The following FBN2 variants were observed in gnomAD, a reference collection of about 807,000 sequenced individuals.
FBN2 encodes the protein fibrillin-2.
Under a neutral mutation model 355.6 loss-of-function variants are expected in FBN2, and 105 were observed. That is an observed-to-expected ratio of 0.30 (90% confidence interval 0.25 to 0.35). The LOEUF is 0.35. Ranked by LOEUF, FBN2 falls within the 10% of genes least tolerant of loss-of-function variation. The pLI, the probability that FBN2 is intolerant of heterozygous loss-of-function variation, is 1.00. For missense variants in FBN2, 3,280 were observed against 3,758.7 expected (o/e 0.87, Z 3.33); for synonymous variants, 1,350 against 1,301.2 (o/e 1.04, Z -0.81).
rs1388206937 is a variant in FBN2 at position 128,519,375 on chromosome 5, AC to A, written c.533-8del. 1 of 1,611,850 alleles carries A rather than the reference AC, an allele frequency of 6.2e-7. No individual in the cohort carries two copies. The highest frequency in any genetic ancestry group is 8.5e-7 in the Non-Finnish European group (1 of 1,178,218). Reference sequence around the variant, plus strand: ...CATCCATTTTCACAGACAGCTGCATACAAAAATAGCAAGAAGCTCATTATAT... The same window carrying A: ...CATCCATTTTCACAGACAGCTGCATAAAAAATAGCAAGAAGCTCATTATAT... On this transcript the variant is annotated splice_region_variant and splice_polypyrimidine_tract_variant and intron_variant, in intron 4 of 64. Transcript: ENST00000262464.
At chr5:128,309,196 T>C (rs773130092) in intron 41 of FBN2, 51 bp downstream of exon 41, 19 of 1,589,030 alleles carry the variant, frequency 1.2e-5, no homozygotes, top group Non-Finnish European at 1.5e-5. Context: ...GTTAGATATA[T>C]GCGTGTATCA....
In FBN2 at chr5:128,465,817, C is replaced by T. The variant is rs1368603753; in HGVS notation, c.629-896G>A. Among the ~76,000 whole-genome samples, 2 of 152,206 alleles carry T rather than the reference C, an allele frequency of 1.3e-5. 1 individual carries two copies. Among genetic ancestry groups the T allele is most frequent in the Non-Finnish European group, 2.9e-5 (2 of 68,044 alleles). ...AAGTACAGTCCATTTAGATCCCCGC[C>T]TCTCAAGGTTTCTATGGACCAGCAG... On this transcript the variant is annotated intron_variant, in intron 5 of 64. Coordinates refer to ENST00000262464, the MANE Select transcript of FBN2 (RefSeq NM_001999.4).
rs1402545685 is a variant in FBN2, at chr5:128,310,009, T to A, written c.5174A>T (p.Gln1725Leu). The change falls in exon 40 of 65, where the codon CAG (glutamine) becomes CTG (leucine). Residue 1725 changes from glutamine (Q) to leucine (L), a missense_variant. Gln to Leu is a moderately radical substitution (Grantham distance 113, BLOSUM62 -2). This residue lies in a region of FBN2 where 2,284 missense variants were observed against 2,749.5 expected (regional missense o/e 0.83). Coordinates refer to ENST00000262464, the MANE Select transcript of FBN2 (RefSeq NM_001999.4). ...CATGCAGTTGTGGCCTCCATTGACCTGCATGTACTCAGGTGGGCAAATGCA... is the reference window on the plus strand; with the variant it reads ...CATGCAGTTGTGGCCTCCATTGACCAGCATGTACTCAGGTGGGCAAATGCA... ...YTCICPPEYM[Q>L]VNGGHNCMDM... The A allele has an allele frequency of 9.9e-6, 16 of 1,613,962 alleles. No individual in the cohort carries two copies. Among genetic ancestry groups the A allele is most frequent in the Non-Finnish European group, 1.3e-5 (15 of 1,179,882 alleles).
intron 8 of FBN2, among the ~76,000 whole-genome samples, chr5:128,405,588 C>G (rs756001952): frequency 6.6e-6 from 1 of 151,970 alleles, no homozygotes; most frequent in Non-Finnish European, 1.5e-5. Context: ...CAATGCAGAA[C>G]AAAAATATGA....
intron 45 of FBN2, among the ~76,000 whole-genome samples, chr5:128,303,996 G>C (rs1241720046): frequency 6.6e-6 from 1 of 152,146 alleles, no homozygotes. Flanking sequence ...GAAGTCCAAA[G>C]GGAGGGCTTT....
Position 128,340,375 on chromosome 5 carries a change from CTTTA to C in FBN2, c.3344-1318_3344-1315del, listed in dbSNP as rs369725241. Among the ~76,000 whole-genome samples, 457 of 152,236 alleles carry C rather than the reference CTTTA, an allele frequency of 3.0e-3. 5 individuals are homozygous for C. The highest frequency in any genetic ancestry group is 3.9e-3 in the Non-Finnish European group (266 of 68,012). On this transcript the variant is annotated intron_variant, in intron 25 of 64. Coordinates refer to ENST00000262464, the MANE Select transcript of FBN2 (RefSeq NM_001999.4). ...TATTTATTTCTCCAATTACAGGAGT[CTTTA>C]TTTATTTCCCTCATTACTGGCCATG...
At chr5:128,337,182 A>G (rs796116219) in intron 27 of FBN2, among the ~76,000 whole-genome samples, 5 of 152,310 alleles carry the variant, frequency 3.3e-5, no homozygotes, top group African/African-American at 1.2e-4. Context: ...AAACCTTTTC[A>G]TTTATCATTT....
At position 128,392,983 on chromosome 5, in the gene FBN2, CCT is replaced by C. The variant is rs1358083642; in HGVS notation, c.1465+150_1465+151del. On this transcript the variant is annotated intron_variant, in intron 10 of 64. Transcript: ENST00000262464. ...TGTATCAGACCTTGAAACACTTTTCCCTCTGTCTCTCTCTCTCTCGCACCCAC... is the reference window on the plus strand; with the variant it reads ...TGTATCAGACCTTGAAACACTTTTCCCTGTCTCTCTCTCTCTCGCACCCAC... 2.0e-4 allele frequency: 137 copies of C among 692,758 alleles called. 1 individual carries two copies. In the East Asian group the frequency reaches 3.7e-3, roughly 18 times the overall value. The allele number at this position is 692,758 out of a possible 1,614,324, so 42.9% of individuals were successfully genotyped here. A position where few individuals can be genotyped will look rare whatever the true frequency, so the allele number is the denominator to read the frequency against.
At chr5:128,442,508 T>A (rs1446408116) in intron 7 of FBN2, 2 of 324,290 alleles carry the variant, frequency 6.2e-6, no homozygotes, top group African/African-American at 4.4e-5. Flanking sequence ...AATTAATGGA[T>A]GTTTGAACAG....
chr5:128,464,883 G>C lies in FBN2; in HGVS notation c.667C>G (p.Gln223Glu). ...CCTGTCAGCTGCCCTTGGCACATCT[G>C]GTTGTTGACCTGAGTGAAACACGGG... ...TGPCFTQVNN[Q>E]MCQGQLTGIV... is the part of the protein sequence containing the mutation. Residue 223 changes from glutamine (Q) to glutamate (E), a missense_variant, in exon 6 of 65, where the codon CAG becomes GAG. This residue lies in a region of FBN2 where 130 missense variants were observed against 189.9 expected (regional missense o/e 0.68). Transcript: ENST00000262464. 1.2e-6 allele frequency: 2 copies of C among 1,614,250 alleles called. No homozygotes were observed. The highest frequency in any genetic ancestry group is 1.7e-6 in the Non-Finnish European group (2 of 1,180,046).
chr5:128,342,807 A>C (rs536762665), intron 25 of FBN2, among the ~76,000 whole-genome samples: 23 of 152,002 alleles, frequency 1.5e-4, no homozygotes, highest in African/African-American at 5.5e-4. Flanking sequence ...CGGCTCACCA[A>C]AACCTCCGCT....
chr5:128,318,839 C>G (rs758290211), intron 35 of FBN2, 40 bp downstream of exon 35: 2 of 1,601,214 alleles, frequency 1.2e-6, no homozygotes. Context: ...ATACTCATTT[C>G]AATGAATCAG....
At chr5:128,277,004 A>G (rs1765411150) in intron 58 of FBN2, among the ~76,000 whole-genome samples, 1 of 152,116 alleles carries the variant, frequency 6.6e-6, no homozygotes, top group Admixed American at 6.6e-5. Context: ...CATTTCCTCC[A>G]TATAACATAC....
chr5:128,361,134 T>C (rs528986260), intron 19 of FBN2, among the ~76,000 whole-genome samples: 22 of 152,330 alleles, frequency 1.4e-4, no homozygotes, highest in African/African-American at 5.3e-4. Flanking sequence ...TGCAAAAATA[T>C]GTGATTAGAA....
chr5:128,280,851 G>A (rs943073108), intron 55 of FBN2, among the ~76,000 whole-genome samples: 2 of 152,066 alleles, frequency 1.3e-5, no homozygotes, highest in African/African-American at 4.8e-5. Context: ...TGCTCTTTTG[G>A]TTGGTGATAA....
At chr5:128,497,653 G>A (rs955756088) in intron 5 of FBN2, among the ~76,000 whole-genome samples, 1 of 152,090 alleles carries the variant, frequency 6.6e-6, no homozygotes, top group Non-Finnish European at 1.5e-5. Context: ...TTTTAAAAGG[G>A]GGTGTTTTTT....
intron 48 of FBN2, among the ~76,000 whole-genome samples, chr5:128,299,776 C>G (rs1343305788): frequency 6.6e-6 from 1 of 152,156 alleles, no homozygotes; most frequent in African/African-American, 2.4e-5. Context: ...CAGAAATCAC[C>G]CGTCTTCTCC....
In FBN2 at chr5:128,350,786, G is replaced by T. The variant is rs192884302; in HGVS notation, c.2812+82C>A. 1.1e-5 allele frequency: 16 copies of T among 1,497,042 alleles called. No individual in the cohort carries two copies. In the Admixed American group the frequency reaches 2.2e-4, roughly 20 times the overall value. The allele number at this position is 1,497,042 out of a possible 1,614,324, so 92.7% of individuals were successfully genotyped here. A position where few individuals can be genotyped will look rare whatever the true frequency, so the allele number is the denominator to read the frequency against. On this transcript the variant is annotated intron_variant, in intron 21 of 64. Transcript: ENST00000262464. ...AATGATCTCTGACCTTCTTCACTAA[G>T]GAACTGCGTAGTGAAAGAGGTGTCC...
At chr5:128,442,869 G>A (rs1753959958) in intron 7 of FBN2, among the ~76,000 whole-genome samples, 1 of 152,080 alleles carries the variant, frequency 6.6e-6, no homozygotes, top group South Asian at 2.1e-4. Context: ...ATCTGAATAT[G>A]AGGGAAAAAA....
Sources: allele counts gnomAD v4.1 joint callset (sites outside exome capture counted in the v4.1 genomes callset), GRCh38; gene constraint gnomAD v4.1.1; regional missense constraint gnomAD v4.1.1; transcripts MANE v1.5; gene names NCBI Gene and HGNC (gene_info 2026-07-23, HGNC 2026-07-21).